The following GNB1 variants were observed in gnomAD, a reference collection of about 807,000 sequenced individuals.
GNB1 encodes G protein subunit beta 1, also known as guanine nucleotide-binding protein G(I)/G(S)/G(T) subunit beta-1.
Under a neutral mutation model 42.9 loss-of-function variants are expected in GNB1, and 2 were observed. The ratio of observed to expected loss-of-function variants is 0.05; its 90% CI spans 0.02 to 0.15. GNB1 has a LOEUF of 0.15. GNB1 is among the 10% of genes least tolerant of loss of function. GNB1 has a pLI of 1.00. For synonymous variants in GNB1, 183 were observed against 174.7 expected, an observed-to-expected ratio of 1.05 and a Z score of -0.38; for missense variants, 193 against 462.2, an observed-to-expected ratio of 0.42 and a Z score of 5.34.
intron 1 of GNB1, among the ~76,000 whole-genome samples, chr1:1,855,494 G>A (rs1298379047): frequency 1.3e-5 from 2 of 151,970 alleles, no homozygotes; most frequent in East Asian, 1.9e-4. Context: ...AAGGTCAGGA[G>A]ATCAAGACCA....
At chr1:1,794,209 A>G (rs1646517770) in intron 7 of GNB1, 1 of 152,198 alleles carries the variant, frequency 6.6e-6, no homozygotes, top group Non-Finnish European at 1.5e-5. Context: ...ATCAGTCCGC[A>G]ATATCCACAC....
At chr1:1,841,366 G>C (rs1213796841) in intron 1 of GNB1, among the ~76,000 whole-genome samples, 1 of 152,108 alleles carries the variant, frequency 6.6e-6, no homozygotes, top group African/African-American at 2.4e-5. Context: ...TATTAGTAGA[G>C]ATGGGGTTTC....
intron 1 of GNB1, among the ~76,000 whole-genome samples, chr1:1,860,620 G>C (rs539664279): frequency 2.1e-5 from 3 of 145,286 alleles, no homozygotes; most frequent in Admixed American, 6.9e-5. Flanking sequence ...CTGGGCAACA[G>C]AGCAAGACTC....
At chr1:1,883,184 A>G (rs577120516) in intron 1 of GNB1, among the ~76,000 whole-genome samples, 5 of 150,220 alleles carry the variant, frequency 3.3e-5, no homozygotes, top group African/African-American at 1.2e-4. Context: ...AGAGAAGAAG[A>G]TCGTATGAGC....
Position 1,825,302 on chromosome 1 carries a change from G to C in GNB1, c.57+95C>G, listed in dbSNP as rs1646981739. On this transcript the variant is annotated intron_variant, in intron 3 of 11. Coordinates refer to ENST00000378609, the MANE Select transcript of GNB1 (RefSeq NM_002074.5). ...AAGATTCAATTTCATATAAAACATA[G>C]AACAAGTCATCCTGTAAACCATTTT... The C allele has an allele frequency of 3.5e-6, 3 of 854,232 alleles. No individual in the cohort carries two copies. The Admixed American group carries it at 5.2e-5, about 15-fold the overall frequency. 52.9% of individuals were successfully genotyped at this position (854,232 alleles called of 1,614,324 possible). A position where few individuals can be genotyped will look rare whatever the true frequency, so the allele number is the denominator to read the frequency against.
chr1:1,854,898 C>T (rs141248156), intron 1 of GNB1, among the ~76,000 whole-genome samples: 2,883 of 152,156 alleles, frequency 0.019, 49 homozygotes, highest in Non-Finnish European at 0.03. Flanking sequence ...TGGTGGCTCA[C>T]GCCTGTAATC....
At chr1:1,835,917 A>G (rs928105629) in intron 2 of GNB1, among the ~76,000 whole-genome samples, 4 of 123,682 alleles carry the variant, frequency 3.2e-5, no homozygotes, top group Non-Finnish European at 6.8e-5. Flanking sequence ...CAAGAATTAA[A>G]AAAAGAAAAA....
At chr1:1,836,867 T>G (rs1647158088) in intron 2 of GNB1, among the ~76,000 whole-genome samples, 2 of 150,786 alleles carry the variant, frequency 1.3e-5, no homozygotes, top group African/African-American at 4.9e-5. Flanking sequence ...TTTTTTTTTT[T>G]TTTTTTTTTG....
chr1:1,844,369 T>C (rs1157705259), intron 1 of GNB1, among the ~76,000 whole-genome samples: 1 of 144,434 alleles, frequency 6.9e-6, no homozygotes, highest in Non-Finnish European at 1.5e-5. Flanking sequence ...CCAGCCTCGA[T>C]GGCAGAGTGA....
intron 5 of GNB1, among the ~76,000 whole-genome samples, chr1:1,808,569 G>A (rs1646733263): frequency 6.6e-6 from 1 of 152,178 alleles, no homozygotes; most frequent in Non-Finnish European, 1.5e-5. Flanking sequence ...ATATCTGTCA[G>A]TACGGTAAAT....
chr1:1,879,172 T>A (rs1412446473), intron 1 of GNB1, among the ~76,000 whole-genome samples: 1 of 152,156 alleles, frequency 6.6e-6, no homozygotes, highest in East Asian at 1.9e-4. Flanking sequence ...GCTGAGAACT[T>A]CTCTGGTCCC....
At chr1:1,819,692 C>G (rs546359544) in intron 3 of GNB1, among the ~76,000 whole-genome samples, 48 of 138,732 alleles carry the variant, frequency 3.5e-4, no homozygotes, top group Middle Eastern at 3.6e-3. Flanking sequence ...GCATGCATTA[C>G]TATGCCCGGC....
At chr1:1,869,171 G>A (rs1649110311) in intron 1 of GNB1, among the ~76,000 whole-genome samples, 1 of 101,064 alleles carries the variant, frequency 9.9e-6, no homozygotes, top group African/African-American at 4.0e-5. Context: ...GGGCAACAGA[G>A]CAAGACACCT....
chr1:1,820,356 T>TAA (rs35466451), intron 3 of GNB1, among the ~76,000 whole-genome samples: 1,732 of 101,814 alleles, frequency 0.017, 24 homozygotes, highest in Non-Finnish European at 0.025. Context: ...AGACTCTGTT[T>TAA]AAAAAAAAAA....
intron 5 of GNB1, among the ~76,000 whole-genome samples, chr1:1,808,914 G>A (rs1646738972): frequency 6.6e-6 from 1 of 152,150 alleles, no homozygotes; most frequent in African/African-American, 2.4e-5. Flanking sequence ...AAAGTGTTGG[G>A]ATTACAGACA....
chr1:1,801,420 T>C (rs1257237859), intron 7 of GNB1, among the ~76,000 whole-genome samples: 2 of 152,216 alleles, frequency 1.3e-5, no homozygotes, highest in African/African-American at 4.8e-5. Context: ...ATCATGGAGC[T>C]AATAACACAC....
intron 1 of GNB1, among the ~76,000 whole-genome samples, chr1:1,881,782 C>T (rs1649860800): frequency 1.3e-5 from 2 of 152,204 alleles, no homozygotes; most frequent in African/African-American, 4.8e-5. Flanking sequence ...GAACTTCCGT[C>T]CCTGGATGTG....
chr1:1,813,920 T>C (rs1646815663), intron 5 of GNB1, among the ~76,000 whole-genome samples: 2 of 152,230 alleles, frequency 1.3e-5, no homozygotes, highest in African/African-American at 4.8e-5. Context: ...AACATACCCA[T>C]CACTTCCAAT....
At chr1:1,793,560 G>A in intron 7 of GNB1, 1 of 351,914 alleles carries the variant, frequency 2.8e-6, no homozygotes, top group Admixed American at 4.1e-5. Context: ...GGGGGCAGAA[G>A]CAGAAACCAC....
Sources: allele counts gnomAD v4.1 joint callset (sites outside exome capture counted in the v4.1 genomes callset), GRCh38; gene constraint gnomAD v4.1.1; transcripts MANE v1.5; gene names NCBI Gene and HGNC (gene_info 2026-07-23, HGNC 2026-07-21).